Variants in MAN2A1 observed in about 807,000 individuals in gnomAD.
MAN2A1 encodes the protein alpha-mannosidase 2.
MAN2A1 carries 76 observed loss-of-function variants against 142.6 expected under a neutral mutation model. That is an observed-to-expected ratio of 0.53 (90% CI 0.44 to 0.65). MAN2A1 has a LOEUF of 0.65. Ranked by LOEUF, MAN2A1 falls within the 30% of genes least tolerant of loss-of-function variation. The pLI, the probability that MAN2A1 is intolerant of heterozygous loss-of-function variation, is 0.00. For synonymous variants in MAN2A1, 559 were observed against 473.2 expected (o/e 1.18, Z -2.35); for missense variants, 1,311 against 1,365.1 (o/e 0.96, Z 0.62).
chr5:109,824,587 A>G (rs1314308648), intron 16 of MAN2A1, among the ~76,000 whole-genome samples: 3 of 152,254 alleles, frequency 2.0e-5, no homozygotes, highest in African/African-American at 7.2e-5. Flanking sequence ...AAGACCTCAT[A>G]AAAATGCCAT....
rs565974180 is a variant in MAN2A1, at chr5:109,760,575, G to C, written c.835+5119G>C. On this transcript the variant is annotated intron_variant, in intron 5 of 21. Transcript: ENST00000261483. The stretch of plus-strand genomic sequence containing the variant: ...AATCACCACACCGTCTTCCACAATG[G>C]TTGATTTATACTCCCACCAACAATG... Among the ~76,000 whole-genome samples the C allele has an allele frequency of 7.2e-5, 11 of 152,112 alleles. No homozygotes were observed. In the South Asian group the frequency reaches 1.9e-3, roughly 26 times the overall value.
intron 17 of MAN2A1, among the ~76,000 whole-genome samples, chr5:109,843,754 A>G (rs1410689468): frequency 1.3e-5 from 2 of 152,220 alleles, no homozygotes; most frequent in African/African-American, 4.8e-5. Context: ...CAATTCTCCA[A>G]TTTAATAGAG....
chr5:109,842,806 G>GTTTTTTTTT (rs768238978), intron 17 of MAN2A1, among the ~76,000 whole-genome samples: 17 of 116,180 alleles, frequency 1.5e-4, no homozygotes, highest in Non-Finnish European at 2.8e-4. Context: ...TACTTATTGG[G>GTTTTTTTTT]TTTTTTTTTT....
chr5:109,710,172 G>T (rs1478168684), intron 1 of MAN2A1, among the ~76,000 whole-genome samples: 1 of 152,102 alleles, frequency 6.6e-6, no homozygotes, highest in Non-Finnish European at 1.5e-5. Context: ...AGAATTCCAG[G>T]TACTGATCAT....
intron 3 of MAN2A1, among the ~76,000 whole-genome samples, chr5:109,717,248 T>G (rs1331595959): frequency 1.3e-5 from 2 of 152,166 alleles, no homozygotes; most frequent in Non-Finnish European, 1.5e-5. Flanking sequence ...TTTTTCCCCA[T>G]TAGTTTATTG....
intron 8 of MAN2A1, among the ~76,000 whole-genome samples, chr5:109,775,294 C>T (rs1753254688): frequency 6.6e-6 from 1 of 151,838 alleles, no homozygotes; most frequent in African/African-American, 2.4e-5. Context: ...GTTTTTTTAC[C>T]AACATTGAAA....
At chr5:109,838,756 A>G (rs1294240280) in intron 16 of MAN2A1, among the ~76,000 whole-genome samples, 1 of 152,222 alleles carries the variant, frequency 6.6e-6, no homozygotes. Context: ...CTGTCCTGAT[A>G]CAAACTTTAA....
chr5:109,815,318 G>GT (rs1754424869), intron 12 of MAN2A1, among the ~76,000 whole-genome samples: 1 of 152,130 alleles, frequency 6.6e-6, no homozygotes, highest in Non-Finnish European at 1.5e-5. Context: ...TCTCAAGAGG[G>GT]CATCACCCTC....
At chr5:109,767,998 A>G (rs1203839163) in intron 6 of MAN2A1, among the ~76,000 whole-genome samples, 1 of 152,234 alleles carries the variant, frequency 6.6e-6, no homozygotes, top group Non-Finnish European at 1.5e-5. Context: ...CTGTTTTAGA[A>G]AGCACGTTTT....
intron 3 of MAN2A1, among the ~76,000 whole-genome samples, chr5:109,725,830 G>A (rs1379113955): frequency 6.6e-6 from 1 of 152,136 alleles, no homozygotes; most frequent in East Asian, 1.9e-4. Flanking sequence ...TTTGTGAACA[G>A]TTACTAGGTG....
intron 12 of MAN2A1, among the ~76,000 whole-genome samples, chr5:109,795,832 C>G (rs1753842958): frequency 6.6e-6 from 1 of 152,072 alleles, no homozygotes; most frequent in Admixed American, 6.6e-5. Flanking sequence ...TCTTCTTCCT[C>G]CCTGCCTAAG....
At chr5:109,778,879 A>G (rs1753368356) in intron 8 of MAN2A1, among the ~76,000 whole-genome samples, 1 of 152,162 alleles carries the variant, frequency 6.6e-6, no homozygotes, top group African/African-American at 2.4e-5. Flanking sequence ...AACTGAGTTC[A>G]GATGGCTGAA....
intron 7 of MAN2A1, among the ~76,000 whole-genome samples, chr5:109,772,604 T>TAATG (rs1753179196): frequency 6.6e-6 from 1 of 152,104 alleles, no homozygotes; most frequent in Non-Finnish European, 1.5e-5. Flanking sequence ...TCACCTGGGC[T>TAATG]CATGCAATTC....
intron 4 of MAN2A1, among the ~76,000 whole-genome samples, chr5:109,744,615 C>T (rs751881932): frequency 9.9e-5 from 15 of 152,008 alleles, no homozygotes; most frequent in African/African-American, 2.9e-4. Context: ...AAGATGACAA[C>T]GTCAAAAGTT....
At chr5:109,772,658 C>G (rs566281802) in intron 7 of MAN2A1, among the ~76,000 whole-genome samples, 21 of 152,196 alleles carry the variant, frequency 1.4e-4, no homozygotes, top group Non-Finnish European at 2.8e-4. Flanking sequence ...AGGTACATGC[C>G]ACAATGCTCG....
At chr5:109,849,654 C>G (rs112504988) in intron 19 of MAN2A1, among the ~76,000 whole-genome samples, 2 of 152,068 alleles carry the variant, frequency 1.3e-5, no homozygotes, top group Non-Finnish European at 2.9e-5. Flanking sequence ...CACATCCACC[C>G]TGTTCTCTTT....
At chr5:109,693,400 C>T (rs1173094953) in intron 1 of MAN2A1, among the ~76,000 whole-genome samples, 1 of 151,124 alleles carries the variant, frequency 6.6e-6, no homozygotes, top group Non-Finnish European at 1.5e-5. Context: ...CCAAGCAGGT[C>T]GGTCACTATG....
chr5:109,738,141 C>T lies in MAN2A1; in HGVS notation c.707+8628C>T, dbSNP rs138331479. On this transcript the variant is annotated intron_variant, in intron 4 of 21. Transcript: ENST00000261483. ...GTAATCAATCACCTGGGAACTCATT[C>T]CCATTTTTGAAACAAGTGTTTATGG... Among the ~76,000 whole-genome samples the T allele has an allele frequency of 7.1e-4, 108 of 152,108 alleles. 1 individual carries two copies. The highest frequency in any genetic ancestry group is 2.5e-3 in the African/African-American group (105 of 41,480).
At chr5:109,743,341 G>A (rs1752320279) in intron 4 of MAN2A1, among the ~76,000 whole-genome samples, 1 of 152,094 alleles carries the variant, frequency 6.6e-6, no homozygotes, top group Non-Finnish European at 1.5e-5. Flanking sequence ...TGGACTTCTT[G>A]TTCTCTAGTT....
Sources: gnomAD v4.1 joint callset for allele counts (sites outside exome capture counted in the v4.1 genomes callset) on GRCh38, gnomAD v4.1.1 for gene constraint, MANE v1.5 for transcripts, NCBI Gene and HGNC (gene_info 2026-07-23, HGNC 2026-07-21) for gene names.